COG7: variants seen among roughly 807,000 people sequenced by gnomAD.
The protein encoded by COG7 is conserved oligomeric Golgi complex subunit 7.
In COG7, 49 loss-of-function variants were observed where a neutral mutation model predicts 91.5. That is an observed-to-expected ratio of 0.54 (90% CI 0.43 to 0.68). COG7 has a LOEUF of 0.68. Ranked by LOEUF, COG7 falls within the 30% of genes least tolerant of loss-of-function variation. The probability of loss-of-function intolerance (pLI) is 0.00; values close to 1 mark genes in which losing one functional copy is unlikely to be tolerated. For synonymous variants in COG7, 365 were observed against 388.7 expected, an observed-to-expected ratio of 0.94 and a Z score of 0.72; for missense variants, 895 against 961.3, an observed-to-expected ratio of 0.93 and a Z score of 0.91.
At chr16:23,423,013 C>G (rs1328622721) in intron 7 of COG7, among the ~76,000 whole-genome samples, 3 of 148,814 alleles carry the variant, frequency 2.0e-5, no homozygotes, top group Non-Finnish European at 4.4e-5. Context: ...CCACTGCACT[C>G]CAGCCTGGGC....
chr16:23,417,757 A>G (rs1963680462), intron 8 of COG7, among the ~76,000 whole-genome samples: 1 of 152,156 alleles, frequency 6.6e-6, no homozygotes, highest in African/African-American at 2.4e-5. Context: ...TTCAACCTGT[A>G]TGACAGAGCA....
chr16:23,451,296 T>C (rs1174005748), intron 1 of COG7, among the ~76,000 whole-genome samples: 1 of 152,240 alleles, frequency 6.6e-6, no homozygotes, highest in Non-Finnish European at 1.5e-5. Flanking sequence ...GGAGAGAGAC[T>C]TGTGTGCAGT....
At chr16:23,423,903 G>A (rs1963801138) in intron 7 of COG7, among the ~76,000 whole-genome samples, 1 of 152,180 alleles carries the variant, frequency 6.6e-6, no homozygotes, top group Admixed American at 6.5e-5. Context: ...AGTAAGGGGT[G>A]CTCTGCTCTC....
intron 10 of COG7, among the ~76,000 whole-genome samples, chr16:23,410,998 C>T (rs1297115205): frequency 6.6e-6 from 1 of 152,200 alleles, no homozygotes; most frequent in Admixed American, 6.5e-5. Flanking sequence ...TGAGCCACCA[C>T]ATCCTGCCTG....
intron 2 of COG7, among the ~76,000 whole-genome samples, chr16:23,445,567 C>T (rs892450837): frequency 6.6e-6 from 1 of 152,076 alleles, no homozygotes; most frequent in African/African-American, 2.4e-5. Flanking sequence ...GCACGAGAAT[C>T]GCTTGAACCT....
intron 1 of COG7, 139 bp from the exon 2 acceptor site, chr16:23,446,100 A>C (rs1964178778): frequency 9.8e-7 from 1 of 1,017,724 alleles, no homozygotes; most frequent in African/African-American, 1.6e-5. Context: ...CGGTTTTTGG[A>C]GCCTGCAGAA....
chr16:23,426,858 G>T (rs1462348871), intron 6 of COG7, among the ~76,000 whole-genome samples: 2 of 132,226 alleles, frequency 1.5e-5, no homozygotes, highest in East Asian at 4.7e-4. Context: ...AAGAAAGAAA[G>T]AAAAGGCATC....
At chr16:23,400,595 G>C (rs1226834856) in intron 13 of COG7, among the ~76,000 whole-genome samples, 1 of 152,226 alleles carries the variant, frequency 6.6e-6, no homozygotes, top group Non-Finnish European at 1.5e-5. Flanking sequence ...AGGCAGAGGA[G>C]AGAGGGAAAG....
intron 7 of COG7, among the ~76,000 whole-genome samples, chr16:23,421,824 C>T (rs1322199798): frequency 2.1e-5 from 3 of 142,512 alleles, no homozygotes; most frequent in African/African-American, 7.9e-5. Flanking sequence ...GCACTCCCGC[C>T]TGGGCAACAG....
Position 23,413,555 on chromosome 16 carries a change from A to G in COG7, c.1302T>C (p.Ser434=), listed in dbSNP as rs1963602703. The change falls in exon 10 of 17, where the codon TCT becomes TCC. Residue 434 remains serine, a synonymous_variant. Coordinates refer to ENST00000307149, the MANE Select transcript of COG7 (RefSeq NM_153603.4). ...TGGACTGGAGAGTGCTGGTGAAATC[A>G]GACACATACCTGCCGGGAAAGGGAA... ...ALKSLFAKYV[S]DFTSTLQSIR... The G allele has an allele frequency of 1.3e-6, 2 of 1,585,758 alleles. No individual in the cohort carries two copies. The highest frequency in any genetic ancestry group is 1.3e-5 in the African/African-American group (1 of 74,402).
intron 1 of COG7, 93 bp from the exon 2 acceptor site, chr16:23,446,054 A>G: frequency 7.0e-7 from 1 of 1,429,780 alleles, no homozygotes. Context: ...CAGGAAACAA[A>G]TCAGACAACA....
chr16:23,400,444 C>T (rs982042206), intron 13 of COG7, among the ~76,000 whole-genome samples: 7 of 152,098 alleles, frequency 4.6e-5, no homozygotes, highest in African/African-American at 1.4e-4. Flanking sequence ...GGAGAAGCAA[C>T]GGCTTCCAGG....
chr16:23,389,731 C>CCCCTGAGGCACATATCCCAGTG (rs1441132019), intron 16 of COG7: 1 of 153,912 alleles, frequency 6.5e-6, no homozygotes, highest in Non-Finnish European at 1.4e-5. Context: ...TCCCAGATGA[C>CCCCTGAGGCACATATCCCAGTG]CCCTGAGGCA....
intron 14 of COG7, among the ~76,000 whole-genome samples, chr16:23,397,800 G>C (rs1963308994): frequency 6.6e-6 from 1 of 152,138 alleles, no homozygotes; most frequent in Non-Finnish European, 1.5e-5. Context: ...ACGCCCTCAG[G>C]TACTGGCCAC....
intron 1 of COG7, among the ~76,000 whole-genome samples, chr16:23,449,906 A>T (rs919699604): frequency 6.6e-6 from 1 of 152,038 alleles, no homozygotes; most frequent in African/African-American, 2.4e-5. Flanking sequence ...TCTGACATGT[A>T]CCAAACCTCA....
At chr16:23,426,597 T>C (rs776962675) in intron 6 of COG7, among the ~76,000 whole-genome samples, 2 of 152,012 alleles carry the variant, frequency 1.3e-5, no homozygotes, top group African/African-American at 2.4e-5. Context: ...TCTCAATTAA[T>C]GCAGAAAATA....
chr16:23,398,714 G>C (rs1371441974), intron 13 of COG7, among the ~76,000 whole-genome samples: 1 of 152,104 alleles, frequency 6.6e-6, no homozygotes, highest in Admixed American at 6.5e-5. Flanking sequence ...CCACCTTCTG[G>C]ATCTGTTTCT....
At chr16:23,406,681 G>A (rs1963468896) in intron 11 of COG7, among the ~76,000 whole-genome samples, 1 of 152,222 alleles carries the variant, frequency 6.6e-6, no homozygotes, top group African/African-American at 2.4e-5. Context: ...CAGGATAGCA[G>A]CTGGCTGGCT....
At chr16:23,445,285 A>C in intron 2 of COG7, 121 bp from the exon 3 acceptor site, 2 of 787,214 alleles carry the variant, frequency 2.5e-6, no homozygotes, top group East Asian at 2.4e-5. Flanking sequence ...CTGTCTCCCA[A>C]AACACCAATC....
Sources: allele counts gnomAD v4.1 joint callset (sites outside exome capture counted in the v4.1 genomes callset), GRCh38; gene constraint gnomAD v4.1.1; transcripts MANE v1.5; gene names NCBI Gene and HGNC (gene_info 2026-07-23, HGNC 2026-07-21).